The following HUNK variants were observed in gnomAD, a reference collection of about 807,000 sequenced individuals.
The protein encoded by HUNK is hormonally up-regulated neu tumor-associated kinase.
Under a neutral mutation model 61.0 loss-of-function variants are expected in HUNK, and 21 were observed. The observed-to-expected ratio is 0.34, with a 90% CI of 0.24 to 0.50. HUNK has a LOEUF of 0.50. Among genes scored for constraint, HUNK ranks in the 20% least tolerant of loss-of-function variants. The pLI, the probability that HUNK is intolerant of heterozygous loss-of-function variation, is 0.98. For synonymous variants in HUNK, 371 were observed against 386.1 expected, an observed-to-expected ratio of 0.96 and a Z score of 0.46; for missense variants, 772 against 945.7, an observed-to-expected ratio of 0.82 and a Z score of 2.41.
chr21:31,879,556 G>A (rs150160427), intron 1 of HUNK, among the ~76,000 whole-genome samples: 3 of 152,258 alleles, frequency 2.0e-5, no homozygotes, highest in African/African-American at 4.8e-5. Flanking sequence ...CGGTGCCCAC[G>A]GAGAGGAGTA....
intron 2 of HUNK, among the ~76,000 whole-genome samples, chr21:31,931,369 C>T (rs527949573): frequency 1.3e-5 from 2 of 152,246 alleles, no homozygotes; most frequent in African/African-American, 4.8e-5. Context: ...TTCCTCTTCA[C>T]CTTGTCTTAG....
At chr21:31,927,391 T>C (rs113110789) in intron 2 of HUNK, among the ~76,000 whole-genome samples, 48,689 of 151,778 alleles carry the variant, frequency 0.32, 9,849 homozygotes, top group African/African-American at 0.58. Context: ...CGCCTGCAAT[T>C]CCAGCACTTT....
At chr21:31,951,383 G>T (rs974606944) in intron 4 of HUNK, among the ~76,000 whole-genome samples, 1 of 152,094 alleles carries the variant, frequency 6.6e-6, no homozygotes, top group East Asian at 1.9e-4. Context: ...TAATTGAAAA[G>T]AATCAAAATT....
At chr21:31,892,209 A>AGAGAGAGTGT (rs1310942168) in intron 1 of HUNK, among the ~76,000 whole-genome samples, 4 of 114,290 alleles carry the variant, frequency 3.5e-5, no homozygotes, top group African/African-American at 1.3e-4. Flanking sequence ...AGAGAGAGAG[A>AGAGAGAGTGT]GTGTGTGTGT....
intron 5 of HUNK, among the ~76,000 whole-genome samples, chr21:31,967,633 G>A (rs1003670554): frequency 5.9e-5 from 9 of 152,116 alleles, no homozygotes; most frequent in African/African-American, 2.2e-4. Flanking sequence ...AGGCTGAGGC[G>A]GGGAGGTGGG....
In HUNK at chr21:31,985,090, A is replaced by C. The variant is rs183871207; in HGVS notation, c.1257+1481A>C. Among the ~76,000 whole-genome samples the C allele has an allele frequency of 2.8e-4, 42 of 152,312 alleles. 1 individual carries two copies. In the East Asian group the frequency reaches 7.3e-3, roughly 27 times the overall value. ...GAACAGTATGGGGGAAACCTCTCTC[A>C]TGATTCAGTGATCTCCACCTGTCCC... On this transcript the variant is annotated intron_variant, in intron 8 of 10. Transcript: ENST00000270112.
At chr21:31,879,222 G>A (rs922462103) in intron 1 of HUNK, among the ~76,000 whole-genome samples, 4 of 152,324 alleles carry the variant, frequency 2.6e-5, no homozygotes, top group African/African-American at 9.6e-5. Context: ...AGTGCTAGAA[G>A]TTTAGGGGTA....
intron 5 of HUNK, among the ~76,000 whole-genome samples, chr21:31,964,648 AG>A (rs1263462422): frequency 6.6e-6 from 1 of 152,194 alleles, no homozygotes; most frequent in Non-Finnish European, 1.5e-5. Context: ...CCCATAAGGC[AG>A]GGGTTTTCAG....
chr21:31,896,756 T>C (rs1435600166), intron 1 of HUNK, among the ~76,000 whole-genome samples: 1 of 152,206 alleles, frequency 6.6e-6, no homozygotes, highest in Non-Finnish European at 1.5e-5. Flanking sequence ...TTATATTGTT[T>C]GTAGGATATT....
intron 1 of HUNK, among the ~76,000 whole-genome samples, chr21:31,919,779 T>C (rs1052733917): frequency 6.6e-6 from 1 of 152,128 alleles, no homozygotes; most frequent in African/African-American, 2.4e-5. Flanking sequence ...CAGAGGCTCC[T>C]GAGACTACGC....
chr21:31,893,348 TC>T (rs1176809586), intron 1 of HUNK, among the ~76,000 whole-genome samples: 1 of 152,184 alleles, frequency 6.6e-6, no homozygotes, highest in Non-Finnish European at 1.5e-5. Context: ...GCAACTCTTT[TC>T]CCGATACATG....
rs1367590897 is a variant in HUNK at position 31,873,525 on chromosome 21, T to G, written c.-150T>G. 1.9e-6 allele frequency: 1 copy of G among 525,568 alleles called. No homozygotes were observed. Among genetic ancestry groups the G allele is most frequent in the Non-Finnish European group, 2.4e-6 (1 of 409,832 alleles). 32.6% of individuals were successfully genotyped at this position (525,568 alleles called of 1,614,324 possible). A position where few individuals can be genotyped will look rare whatever the true frequency, so the allele number is the denominator to read the frequency against. On this transcript the variant is annotated 5_prime_UTR_variant, in exon 1 of 11. Coordinates refer to ENST00000270112, the MANE Select transcript of HUNK (RefSeq NM_014586.2). The surrounding 1 kb of genome is among the most constrained non-coding windows in gnomAD (Gnocchi z 6.1). ...TCGCTGGGCGGCGCGGGGGGCGTGATCGCGGCGGCCCCGGGCTCTGGGTGC... is the reference window on the plus strand; with the variant it reads ...TCGCTGGGCGGCGCGGGGGGCGTGAGCGCGGCGGCCCCGGGCTCTGGGTGC...
intron 8 of HUNK, 133 bp downstream of exon 8, chr21:31,983,742 C>T: frequency 1.5e-6 from 1 of 647,486 alleles, no homozygotes; most frequent in South Asian, 2.0e-5. Flanking sequence ...CATAACTGAG[C>T]CCTTGAGAAA....
At chr21:31,906,635 G>A (rs2052507435) in intron 1 of HUNK, among the ~76,000 whole-genome samples, 2 of 152,000 alleles carry the variant, frequency 1.3e-5, no homozygotes, top group Non-Finnish European at 2.9e-5. Flanking sequence ...TCACCATGTT[G>A]CCCAGGCTGG....
chr21:31,959,056 A>G, intron 5 of HUNK, 86 bp downstream of exon 5: 3 of 1,305,414 alleles, frequency 2.3e-6, no homozygotes, highest in Non-Finnish European at 3.1e-6. Flanking sequence ...TTTGTTTTGC[A>G]GTAATGGTGT....
chr21:31,983,554 A>C lies in HUNK; in HGVS notation c.1202A>C (p.Tyr401Ser). 8 of 1,613,928 alleles carry C rather than the reference A, an allele frequency of 5.0e-6. No individual in the cohort carries two copies. Among genetic ancestry groups the C allele is most frequent in the Non-Finnish European group, 6.8e-6 (8 of 1,179,958 alleles). ...TCTGACATCCAGGACAGCCTCTGCT[A>C]CAAGACCCGGCTCTACCAGATAGAA... ...GKSDIQDSLC[Y>S]KTRLYQIEKY... The change falls in exon 8 of 11, where the codon TAC becomes TCC. Residue 401 changes from tyrosine (Y) to serine (S), a missense_variant. Tyr to Ser is a moderately radical substitution (Grantham distance 144). Coordinates refer to ENST00000270112, the MANE Select transcript of HUNK (RefSeq NM_014586.2).
At chr21:31,928,106 G>A (rs1244009100) in intron 2 of HUNK, among the ~76,000 whole-genome samples, 2 of 152,180 alleles carry the variant, frequency 1.3e-5, no homozygotes, top group Non-Finnish European at 2.9e-5. Flanking sequence ...CTCTGTCTTT[G>A]TTTATTAAGA....
intron 6 of HUNK, chr21:31,974,298 T>C (rs994930900): frequency 6.4e-6 from 2 of 314,018 alleles, no homozygotes; most frequent in Admixed American, 9.6e-5. Context: ...AATGTCATGA[T>C]GTTTGTAATT....
At chr21:31,958,584 T>C (rs1287069584) in intron 4 of HUNK, among the ~76,000 whole-genome samples, 1 of 152,128 alleles carries the variant, frequency 6.6e-6, no homozygotes, top group African/African-American at 2.4e-5. Flanking sequence ...ATGGAGGTGC[T>C]ACACAGGCTG....
Sources: gnomAD v4.1 joint callset for allele counts (sites outside exome capture counted in the v4.1 genomes callset) on GRCh38, gnomAD v4.1.1 for gene constraint, Gnocchi (gnomAD v3.1) non-coding constraint, MANE v1.5 for transcripts, NCBI Gene and HGNC (gene_info 2026-07-23, HGNC 2026-07-21) for gene names.